The following MDGA2 variants were observed in gnomAD, a reference collection of about 807,000 sequenced individuals.
MDGA2 encodes MAM domain-containing glycosylphosphatidylinositol anchor protein 2.
A neutral mutation model predicts 117.8 loss-of-function variants in MDGA2; 40 were observed. The ratio of observed to expected loss-of-function variants is 0.34; its 90% CI spans 0.26 to 0.44. The LOEUF (loss-of-function observed/expected upper bound fraction) is 0.44. Among genes scored for constraint, MDGA2 ranks in the 20% least tolerant of loss-of-function variants. The pLI is 1.00. For synonymous variants in MDGA2, 452 were observed against 439.0 expected, an observed-to-expected ratio of 1.03 and a Z score of -0.37; for missense variants, 1,123 against 1,250.6, an observed-to-expected ratio of 0.90 and a Z score of 1.54.
chr14:46,951,510 G>A (rs1885369634), intron 9 of MDGA2, among the ~76,000 whole-genome samples: 1 of 151,982 alleles, frequency 6.6e-6, no homozygotes, highest in East Asian at 1.9e-4. Context: ...ACTGGAGCTA[G>A]AGATTCTTCT....
intron 1 of MDGA2, among the ~76,000 whole-genome samples, chr14:47,501,120 C>T (rs1894390243): frequency 6.6e-6 from 1 of 152,194 alleles, no homozygotes; most frequent in African/African-American, 2.4e-5. Flanking sequence ...TTTAAAAAAT[C>T]TGAACTTAAA....
At chr14:47,501,369 C>T (rs1442048223) in intron 1 of MDGA2, among the ~76,000 whole-genome samples, 1 of 152,022 alleles carries the variant, frequency 6.6e-6, no homozygotes, top group Non-Finnish European at 1.5e-5. Context: ...TCTTTGGCTC[C>T]AATATTTCAA....
In MDGA2 at chr14:47,553,744, A is replaced by AAG. The variant is rs200629850; in HGVS notation, c.280+120772_280+120773insCT. Among the ~76,000 whole-genome samples, 74 of 66,524 alleles carry AAG rather than the reference A, an allele frequency of 1.1e-3. 1 individual carries two copies. Among genetic ancestry groups the AAG allele is most frequent in the African/African-American group, 3.1e-3 (70 of 22,296 alleles). The allele number at this position is 66,524 out of a possible 152,430, so 43.6% of individuals were successfully genotyped here. ...AACAATACTATAGGATATAGTTCAT[A>AAG]ATAGAAAAAATATGGCATAAAAGTA... is the stretch of plus-strand genomic sequence containing the variant. On this transcript the variant is annotated intron_variant, in intron 1 of 16. Transcript: ENST00000399232.
At chr14:46,926,044 G>A (rs1296736574) in intron 9 of MDGA2, among the ~76,000 whole-genome samples, 3 of 152,146 alleles carry the variant, frequency 2.0e-5, no homozygotes, top group Admixed American at 6.5e-5. Flanking sequence ...TATGGCTGAC[G>A]TAATCCATGT....
intron 1 of MDGA2, among the ~76,000 whole-genome samples, chr14:47,493,471 C>A (rs939902673): frequency 3.3e-5 from 5 of 151,778 alleles, no homozygotes. Context: ...CGCACCACTA[C>A]TGCCTGGGCT....
intron 1 of MDGA2, among the ~76,000 whole-genome samples, chr14:47,637,094 A>G (rs1897337054): frequency 6.6e-6 from 1 of 152,226 alleles, no homozygotes; most frequent in Non-Finnish European, 1.5e-5. Flanking sequence ...TTCACATTTC[A>G]ACATATAAAA....
chr14:47,160,415 G>A (rs1045151696), intron 3 of MDGA2, among the ~76,000 whole-genome samples: 1 of 152,108 alleles, frequency 6.6e-6, no homozygotes, highest in Non-Finnish European at 1.5e-5. Context: ...CAAAAAAGCA[G>A]CTGAGAAGTG....
At chr14:46,974,674 T>C (rs1401065806) in intron 8 of MDGA2, among the ~76,000 whole-genome samples, 1 of 152,174 alleles carries the variant, frequency 6.6e-6, no homozygotes, top group Non-Finnish European at 1.5e-5. Flanking sequence ...GATATTCACA[T>C]GCAAAAGAAT....
chr14:46,851,128 C>A lies in MDGA2; in HGVS notation c.2883+3896G>T, dbSNP rs1280024835. 2.6e-5 allele frequency among the ~76,000 whole-genome samples: 4 copies of A among 151,808 alleles called. No individual in the cohort carries two copies. The South Asian group carries it at 6.2e-4, about 24-fold the overall frequency. ...TGTATCTTAATTTTCTCAAAAATTT[C>A]TCAAAACCTGTTTCTAAGTCTTTAA... On this transcript the variant is annotated intron_variant, in intron 15 of 16. Coordinates refer to ENST00000399232, the MANE Select transcript of MDGA2 (RefSeq NM_001113498.3).
intron 2 of MDGA2, among the ~76,000 whole-genome samples, chr14:47,274,085 A>G (rs1888232941): frequency 1.3e-5 from 2 of 152,056 alleles, no homozygotes; most frequent in Admixed American, 1.3e-4. Flanking sequence ...CATACCATCC[A>G]ACCTACCCAT....
Position 46,957,646 on chromosome 14 carries a change from G to A in MDGA2, c.1820-3C>T. ...TGCTGGTTCCACTGCAGGGGGATCT[G>A]TAGAAAAGATATGTAAAAACAGATG... On this transcript the variant is annotated splice_region_variant and splice_polypyrimidine_tract_variant and intron_variant, in intron 8 of 16. Coordinates refer to ENST00000399232, the MANE Select transcript of MDGA2 (RefSeq NM_001113498.3). 1.9e-6 allele frequency: 3 copies of A among 1,613,736 alleles called. No homozygotes were observed. Among genetic ancestry groups the A allele is most frequent in the Non-Finnish European group, 2.5e-6 (3 of 1,179,746 alleles).
At chr14:47,057,039 TAA>T (rs1889701801) in intron 7 of MDGA2, among the ~76,000 whole-genome samples, 1 of 152,120 alleles carries the variant, frequency 6.6e-6, no homozygotes. Flanking sequence ...TAAAAAACTA[TAA>T]AGTTGTAATA....
intron 1 of MDGA2, among the ~76,000 whole-genome samples, chr14:47,619,784 A>G (rs146195520): frequency 3.8e-4 from 58 of 152,386 alleles, no homozygotes; most frequent in African/African-American, 1.4e-3. Context: ...CCAGTTGGAC[A>G]CTTTTCACCA....
chr14:47,665,072 T>C (rs565600864), intron 1 of MDGA2, among the ~76,000 whole-genome samples: 7 of 152,162 alleles, frequency 4.6e-5, no homozygotes, highest in African/African-American at 7.2e-5. Context: ...GAGGCTTTAT[T>C]ACACACCCAT....
intron 1 of MDGA2, among the ~76,000 whole-genome samples, chr14:47,497,620 G>A (rs1894310358): frequency 6.6e-6 from 1 of 152,104 alleles, no homozygotes; most frequent in Non-Finnish European, 1.5e-5. Flanking sequence ...CCGCTGATTG[G>A]TTTGGTGAGA....
chr14:47,256,014 T>A (rs1887605452), intron 2 of MDGA2, among the ~76,000 whole-genome samples: 1 of 152,056 alleles, frequency 6.6e-6, no homozygotes. Context: ...TAGTGGGAAG[T>A]TTGATGCCCA....
intron 8 of MDGA2, among the ~76,000 whole-genome samples, chr14:47,005,984 G>A (rs957977665): frequency 2.6e-5 from 4 of 151,408 alleles, no homozygotes; most frequent in African/African-American, 7.3e-5. Flanking sequence ...GATTGTCAGA[G>A]GATTACACTT....
intron 8 of MDGA2, among the ~76,000 whole-genome samples, chr14:46,985,029 TAGAC>T (rs1344885219): frequency 6.6e-6 from 1 of 152,042 alleles, no homozygotes; most frequent in Admixed American, 6.6e-5. Flanking sequence ...AGAAGAGAAT[TAGAC>T]AGCAGTAAAA....
chr14:47,130,610 T>G (rs2139147316), intron 5 of MDGA2, among the ~76,000 whole-genome samples: 1 of 152,330 alleles, frequency 6.6e-6, no homozygotes, highest in East Asian at 1.9e-4. Context: ...TTTTATCAAC[T>G]GAGTTAGTTG....
Sources: allele counts gnomAD v4.1 joint callset (sites outside exome capture counted in the v4.1 genomes callset), GRCh38; gene constraint gnomAD v4.1.1; transcripts MANE v1.5; gene names NCBI Gene and HGNC (gene_info 2026-07-23, HGNC 2026-07-21).